NTRK2: variants seen among roughly 807,000 people sequenced by gnomAD.
NTRK2 encodes the protein BDNF/NT-3 growth factors receptor.
Under a neutral mutation model 94.5 loss-of-function variants are expected in NTRK2, and 13 were observed. The ratio of observed to expected loss-of-function variants is 0.14; its 90% CI spans 0.09 to 0.22. NTRK2 has a LOEUF of 0.22. Ranked by LOEUF, NTRK2 falls within the 10% of genes least tolerant of loss-of-function variation. NTRK2 has a pLI of 1.00. For synonymous variants in NTRK2, 372 were observed against 407.4 expected (o/e 0.91, Z 1.05); for missense variants, 639 against 1,071.2 (o/e 0.60, Z 5.63).
chr9:84,779,631 C>T (rs2067369636), intron 12 of NTRK2, among the ~76,000 whole-genome samples: 1 of 152,188 alleles, frequency 6.6e-6, no homozygotes, highest in Non-Finnish European at 1.5e-5. Flanking sequence ...AGGGTTGCTG[C>T]ACCTTTTTTT....
At chr9:84,980,818 C>T (rs1216630665) in intron 17 of NTRK2, among the ~76,000 whole-genome samples, 4 of 152,136 alleles carry the variant, frequency 2.6e-5, no homozygotes, top group East Asian at 1.9e-4. Flanking sequence ...CTCGTGATGC[C>T]AAATGTGAGC....
intron 12 of NTRK2, among the ~76,000 whole-genome samples, chr9:84,860,097 T>C (rs1384862795): frequency 6.6e-6 from 1 of 152,256 alleles, no homozygotes; most frequent in East Asian, 1.9e-4. Context: ...TTTAAATTGA[T>C]TCCTCTTCAG....
intron 14 of NTRK2, among the ~76,000 whole-genome samples, chr9:84,881,489 C>T (rs757524186): frequency 6.6e-5 from 10 of 152,124 alleles, no homozygotes; most frequent in East Asian, 1.9e-4. Flanking sequence ...GTCTGTTCAA[C>T]GAACAAACAA....
intron 9 of NTRK2, among the ~76,000 whole-genome samples, chr9:84,729,836 A>G: frequency 6.6e-6 from 1 of 152,218 alleles, no homozygotes; most frequent in Non-Finnish European, 1.5e-5. Flanking sequence ...GTTGGTGTAA[A>G]GCCAGTAGCT....
chr9:84,809,900 A>G (rs1042650335), intron 12 of NTRK2, among the ~76,000 whole-genome samples: 22 of 132,654 alleles, frequency 1.7e-4, no homozygotes, highest in African/African-American at 8.4e-4. Context: ...AAAAAAAAAA[A>G]AAGAAAGAAG....
At chr9:84,719,883 G>T (rs1320107995) in intron 6 of NTRK2, among the ~76,000 whole-genome samples, 1 of 151,938 alleles carries the variant, frequency 6.6e-6, no homozygotes, top group Non-Finnish European at 1.5e-5. Context: ...AGTCAGGGGT[G>T]GTGGTGTGTG....
chr9:84,851,614 G>A (rs1336661848), intron 12 of NTRK2, among the ~76,000 whole-genome samples: 6 of 152,106 alleles, frequency 3.9e-5, no homozygotes, highest in Non-Finnish European at 1.5e-5. Context: ...TGTGGTTATG[G>A]GATGGGAAGG....
chr9:84,823,149 A>G (rs866809411), intron 12 of NTRK2, among the ~76,000 whole-genome samples: 1 of 152,166 alleles, frequency 6.6e-6, no homozygotes, highest in South Asian at 2.1e-4. Context: ...TGTTTAAAAA[A>G]TGTAATTTTT....
chr9:84,858,368 G>C (rs1474036542), intron 12 of NTRK2, among the ~76,000 whole-genome samples: 1 of 151,548 alleles, frequency 6.6e-6, no homozygotes, highest in Non-Finnish European at 1.5e-5. Flanking sequence ...TTGCCTAACT[G>C]TGCGATTTTC....
rs982465576 is a variant in NTRK2 at position 84,811,330 on chromosome 9, GA to G, written c.1397-49702del. The G allele has an allele frequency of 3.5e-5, 37 of 1,064,548 alleles. No individual in the cohort carries two copies. In the Admixed American group the frequency reaches 4.3e-4, roughly 12 times the overall value. 65.9% of individuals were successfully genotyped at this position (1,064,548 alleles called of 1,614,324 possible). On this transcript the variant is annotated intron_variant, in intron 12 of 18. Coordinates refer to ENST00000277120, the MANE Select transcript of NTRK2 (RefSeq NM_006180.6). Reference sequence around the variant, plus strand: ...GAAAAACGTTTAAAAAGAAGAAGAAGAAAAAAAACAAGAACAAGCAGCAACA... The same window carrying G: ...GAAAAACGTTTAAAAAGAAGAAGAAGAAAAAAACAAGAACAAGCAGCAACA...
rs140958237 is a variant in NTRK2 at position 84,991,985 on chromosome 9, T to G, written c.2173-28221T>G. On this transcript the variant is annotated intron_variant, in intron 17 of 18. Transcript: ENST00000277120. ...TGCCTCCTCCTCCTCTGACCTCCTG[T>G]CTTTTGCCTCCCTCCATTTTGAAAA... Among the ~76,000 whole-genome samples the G allele has an allele frequency of 1.5e-4, 23 of 152,260 alleles. No individual in the cohort carries two copies. The East Asian group carries it at 4.5e-3, about 29-fold the overall frequency.
intron 12 of NTRK2, among the ~76,000 whole-genome samples, chr9:84,827,026 A>T (rs894408127): frequency 6.6e-6 from 1 of 152,184 alleles, no homozygotes; most frequent in African/African-American, 2.4e-5. Context: ...AATGATGATG[A>T]TGGTGATGCC....
At chr9:84,815,518 GT>G (rs1267449952) in intron 12 of NTRK2, 8,574 of 926,898 alleles carry the variant, frequency 9.3e-3, no homozygotes, top group Middle Eastern at 0.012. Context: ...CTCATGCCCT[GT>G]TTTTTTTTTT....
chr9:84,884,645 A>C (rs1326434248), intron 14 of NTRK2, among the ~76,000 whole-genome samples: 1 of 152,182 alleles, frequency 6.6e-6, no homozygotes, highest in Non-Finnish European at 1.5e-5. Flanking sequence ...TCTTGTGCAA[A>C]ATTGAATTTG....
Position 84,751,286 on chromosome 9 carries a change from C to G in NTRK2, c.1297-700C>G, listed in dbSNP as rs540388018. Reference sequence around the variant, plus strand: ...ACCCCATTGTATTCTTCACCAGCTTCAAGAATTATCGGGCTGGATGCGGTG... The same window carrying G: ...ACCCCATTGTATTCTTCACCAGCTTGAAGAATTATCGGGCTGGATGCGGTG... On this transcript the variant is annotated intron_variant, in intron 11 of 18. Coordinates refer to ENST00000277120, the MANE Select transcript of NTRK2 (RefSeq NM_006180.6). Among the ~76,000 whole-genome samples, 14 of 152,284 alleles carry G rather than the reference C, an allele frequency of 9.2e-5. No individual in the cohort carries two copies. The East Asian group carries it at 2.7e-3, about 29-fold the overall frequency.
chr9:84,987,535 A>G (rs1217565114), intron 17 of NTRK2, among the ~76,000 whole-genome samples: 1 of 152,172 alleles, frequency 6.6e-6, no homozygotes, highest in East Asian at 1.9e-4. Context: ...TTAAAGTTTG[A>G]TGATTCATTT....
At chr9:85,019,957 T>A (rs955995785) in intron 17 of NTRK2, among the ~76,000 whole-genome samples, 6 of 152,214 alleles carry the variant, frequency 3.9e-5, no homozygotes, top group African/African-American at 1.4e-4. Flanking sequence ...TACCTAATCA[T>A]CATCCCTGCT....
intron 2 of NTRK2, among the ~76,000 whole-genome samples, chr9:84,681,887 T>C (rs2059413763): frequency 1.3e-5 from 2 of 152,178 alleles, no homozygotes; most frequent in Admixed American, 1.3e-4. Context: ...CATATAACTA[T>C]TACATGGACC....
chr9:84,848,077 GGC>G (rs1376752391), intron 12 of NTRK2, among the ~76,000 whole-genome samples: 1 of 83,026 alleles, frequency 1.2e-5, no homozygotes, highest in Non-Finnish European at 2.3e-5. Flanking sequence ...AGTAGAGAGG[GGC>G]AGAGAGAGAG....
Sources: allele counts gnomAD v4.1 joint callset (sites outside exome capture counted in the v4.1 genomes callset), GRCh38; gene constraint gnomAD v4.1.1; transcripts MANE v1.5; gene names NCBI Gene and HGNC (gene_info 2026-07-23, HGNC 2026-07-21).